SLC25A26: variants seen among roughly 807,000 people sequenced by gnomAD.
SLC25A26 encodes mitochondrial S-adenosylmethionine carrier protein.
Under a neutral mutation model 37.8 loss-of-function variants are expected in SLC25A26, and 36 were observed. The observed-to-expected ratio is 0.95, with a 90% CI of 0.73 to 1.26. SLC25A26 has a LOEUF of 1.26. Among genes scored for constraint, SLC25A26 ranks in the 50% most tolerant of loss-of-function variants. The pLI is 0.00. For synonymous variants in SLC25A26, 129 were observed against 122.5 expected, an observed-to-expected ratio of 1.05 and a Z score of -0.35; for missense variants, 390 against 331.1, an observed-to-expected ratio of 1.18 and a Z score of -1.38.
chr3:66,190,541 G>T (rs2070920795), intron 1 of SLC25A26, among the ~76,000 whole-genome samples: 1 of 152,088 alleles, frequency 6.6e-6, no homozygotes, highest in Non-Finnish European at 1.5e-5. Flanking sequence ...TGATTTTCCT[G>T]CCTCAGCCTC....
chr3:66,186,397 G>C (rs2070828307), intron 1 of SLC25A26, among the ~76,000 whole-genome samples: 1 of 151,774 alleles, frequency 6.6e-6, no homozygotes, highest in African/African-American at 2.4e-5. Flanking sequence ...ATCTGACCAT[G>C]ATGACACCTT....
At chr3:66,271,588 G>C (rs9850677) in intron 5 of SLC25A26, among the ~76,000 whole-genome samples, 5,835 of 152,208 alleles carry the variant, frequency 0.038, 395 homozygotes, top group African/African-American at 0.13. Context: ...GTGGGGATTG[G>C]GAAGTTGAGT....
At chr3:66,374,625 C>G (rs186011902) in intron 9 of SLC25A26, among the ~76,000 whole-genome samples, 4 of 152,350 alleles carry the variant, frequency 2.6e-5, no homozygotes, top group Non-Finnish European at 5.9e-5. Context: ...TGGCTCACAC[C>G]TGTAATCCCA....
At chr3:66,336,346 G>A (rs1268050751) in intron 5 of SLC25A26, among the ~76,000 whole-genome samples, 1 of 152,092 alleles carries the variant, frequency 6.6e-6, no homozygotes, top group East Asian at 1.9e-4. Context: ...TCTCAGTAAA[G>A]AGATGCTAAA....
At chr3:66,249,950 T>A (rs996938112) in intron 3 of SLC25A26, among the ~76,000 whole-genome samples, 16 of 152,232 alleles carry the variant, frequency 1.1e-4, no homozygotes, top group African/African-American at 3.9e-4. Flanking sequence ...AGCACATCCA[T>A]GTATTATGGG....
At chr3:66,146,537 G>A (rs978468181) in intron 1 of SLC25A26, among the ~76,000 whole-genome samples, 20 of 151,660 alleles carry the variant, frequency 1.3e-4, no homozygotes, top group African/African-American at 4.6e-4. Context: ...TGTATTATTT[G>A]TACATATGGG....
chr3:66,284,251 A>G (rs2074436943), intron 5 of SLC25A26, among the ~76,000 whole-genome samples: 2 of 152,174 alleles, frequency 1.3e-5, no homozygotes, highest in Non-Finnish European at 2.9e-5. Context: ...TGGGAGGCTG[A>G]GGTGGGAGAA....
rs117783802 is a variant in SLC25A26 at position 66,270,641 on chromosome 3, A to G, written c.453+7262A>G. Among the ~76,000 whole-genome samples, 459 of 152,316 alleles carry G rather than the reference A, an allele frequency of 3.0e-3. 3 individuals carry two copies. The highest frequency in any genetic ancestry group is 0.017 in the East Asian group (87 of 5,186). On this transcript the variant is annotated intron_variant, in intron 5 of 9. Transcript: ENST00000354883. ...TGAGTCACTTAATTGCATTTACATT[A>G]TTATAACTTTACCGTAGAGATGTTC...
intron 5 of SLC25A26, among the ~76,000 whole-genome samples, chr3:66,311,967 G>A (rs541572275): frequency 1.8e-3 from 279 of 152,258 alleles, no homozygotes; most frequent in African/African-American, 6.4e-3. Context: ...GAAGCATGGG[G>A]GTCAGGGACC....
chr3:66,237,955 C>T (rs1001836542), intron 2 of SLC25A26, among the ~76,000 whole-genome samples: 1 of 152,164 alleles, frequency 6.6e-6, no homozygotes, highest in African/African-American at 2.4e-5. Context: ...AACAGTATTT[C>T]TGTTTCTTTT....
chr3:66,322,475 T>C lies in SLC25A26; in HGVS notation c.454-23889T>C, dbSNP rs989876112. 2.0e-5 allele frequency among the ~76,000 whole-genome samples: 3 copies of C among 152,358 alleles called. No individual in the cohort carries two copies. The South Asian group carries it at 6.2e-4, about 32-fold the overall frequency. ...TTTTCTTATTAAGACAAACCTCTTT[T>C]CAACCACAGATACACTTTTTAGCTT... On this transcript the variant is annotated intron_variant, in intron 5 of 9. Transcript: ENST00000354883.
At chr3:66,355,281 T>C (rs994775260) in intron 6 of SLC25A26, among the ~76,000 whole-genome samples, 8 of 151,958 alleles carry the variant, frequency 5.3e-5, no homozygotes, top group Admixed American at 2.0e-4. Context: ...TACCGACTTA[T>C]CTAGAATGCA....
At chr3:66,303,670 G>C (rs1475703586) in intron 5 of SLC25A26, among the ~76,000 whole-genome samples, 1 of 152,188 alleles carries the variant, frequency 6.6e-6, no homozygotes, top group East Asian at 1.9e-4. Context: ...TTAGCTTTCT[G>C]TTGCTGTGTA....
chr3:66,237,781 A>C (rs962245753), intron 2 of SLC25A26, among the ~76,000 whole-genome samples: 5 of 152,238 alleles, frequency 3.3e-5, no homozygotes, highest in Admixed American at 2.0e-4. Flanking sequence ...TATATAAGAC[A>C]CACCCACAAA....
intron 1 of SLC25A26, among the ~76,000 whole-genome samples, chr3:66,228,561 T>C (rs1269096740): frequency 6.6e-6 from 1 of 152,234 alleles, no homozygotes; most frequent in Non-Finnish European, 1.5e-5. Context: ...GATACATTTG[T>C]TGGCCTTTGC....
At position 66,204,441 on chromosome 3, in the gene SLC25A26, A is replaced by AAAG. The variant is rs1553655327; in HGVS notation, c.-353-16299_-353-16298insGAA. Among the ~76,000 whole-genome samples the AAAG allele has an allele frequency of 9.1e-4, 81 of 89,358 alleles. 2 individuals are homozygous for AAAG. Among genetic ancestry groups the AAAG allele is most frequent in the Non-Finnish European group, 1.3e-3 (68 of 50,738 alleles). 58.6% of individuals were successfully genotyped at this position (89,358 alleles called of 152,430 possible). A position where few individuals can be genotyped will look rare whatever the true frequency, so the allele number is the denominator to read the frequency against. On this transcript the variant is annotated intron_variant, in intron 1 of 10. Transcript: ENST00000676754. ...ACTCCGTCTCAAAAAAAAAAAAAAGAAAAAAAGAAAAAAGAAAGAAAAAGA... is the reference window on the plus strand; with the variant it reads ...ACTCCGTCTCAAAAAAAAAAAAAAGAAAGAAAAAAGAAAAAAGAAAGAAAAAGA...
At chr3:66,184,766 A>G (rs2070793897) in intron 1 of SLC25A26, among the ~76,000 whole-genome samples, 1 of 151,960 alleles carries the variant, frequency 6.6e-6, no homozygotes, top group Non-Finnish European at 1.5e-5. Context: ...TCATGCTGAC[A>G]TTGACTCTAA....
chr3:66,152,278 C>G (rs919996188), intron 1 of SLC25A26, among the ~76,000 whole-genome samples: 1 of 152,150 alleles, frequency 6.6e-6, no homozygotes, highest in African/African-American at 2.4e-5. Context: ...CTTTGAGTAG[C>G]AAGACTCTTA....
At chr3:66,268,659 G>A (rs1189074648) in intron 5 of SLC25A26, among the ~76,000 whole-genome samples, 1 of 152,144 alleles carries the variant, frequency 6.6e-6, no homozygotes, top group Admixed American at 6.5e-5. Flanking sequence ...AACTGAAAGA[G>A]CTTTAACAGT....
Sources: allele counts gnomAD v4.1 joint callset (sites outside exome capture counted in the v4.1 genomes callset), GRCh38; gene constraint gnomAD v4.1.1; transcripts MANE v1.5; gene names NCBI Gene and HGNC (gene_info 2026-07-23, HGNC 2026-07-21).